The following NEGR1 variants were observed in gnomAD, a reference collection of about 807,000 sequenced individuals.
NEGR1 encodes the protein neuronal growth regulator 1, also known as IgLON family member 4.
A neutral mutation model predicts 40.9 loss-of-function variants in NEGR1; 10 were observed. The observed-to-expected ratio is 0.24, with a 90% CI of 0.15 to 0.42. The LOEUF (loss-of-function observed/expected upper bound fraction) is 0.42, where lower values mean the gene tolerates loss of function less well. Among genes scored for constraint, NEGR1 ranks in the 10% least tolerant of loss-of-function variants. The probability of loss-of-function intolerance (pLI) is 1.00; values close to 1 mark genes in which losing one functional copy is unlikely to be tolerated. For synonymous variants in NEGR1, 185 were observed against 166.8 expected, an observed-to-expected ratio of 1.11 and a Z score of -0.84; for missense variants, 352 against 438.9, an observed-to-expected ratio of 0.80 and a Z score of 1.77.
rs967794911 is a variant in NEGR1, at chr1:71,847,262, G to T, written c.410-70965C>A. On this transcript the variant is annotated intron_variant, in intron 2 of 6. Transcript: ENST00000357731. ...ATTTACTTAATGATAAATAGAAATT[G>T]CATATATTTACTGTGTACAACATAA... Among the ~76,000 whole-genome samples the T allele has an allele frequency of 4.6e-5, 7 of 152,298 alleles. No homozygotes were observed. In the East Asian group the frequency reaches 1.4e-3, roughly 29 times the overall value.
chr1:71,817,620 A>G (rs921869908), intron 2 of NEGR1, among the ~76,000 whole-genome samples: 1 of 151,634 alleles, frequency 6.6e-6, no homozygotes, highest in African/African-American at 2.4e-5. Context: ...CCTGCAGGCA[A>G]TGATGACTGA....
chr1:71,752,917 T>C (rs1163863353), intron 3 of NEGR1, among the ~76,000 whole-genome samples: 1 of 152,166 alleles, frequency 6.6e-6, no homozygotes, highest in African/African-American at 2.4e-5. Flanking sequence ...TATTCTACAA[T>C]AGTAAGCCCA....
intron 6 of NEGR1, among the ~76,000 whole-genome samples, chr1:71,469,044 C>G (rs1266876970): frequency 6.6e-6 from 1 of 152,004 alleles, no homozygotes; most frequent in Non-Finnish European, 1.5e-5. Flanking sequence ...AGAGGTTGTA[C>G]AATATGTTCA....
At chr1:72,047,997 A>T (rs575813967) in intron 1 of NEGR1, among the ~76,000 whole-genome samples, 1 of 151,700 alleles carries the variant, frequency 6.6e-6, no homozygotes, top group East Asian at 1.9e-4. Context: ...TTTATGTAAA[A>T]CAGGAGCCAG....
At chr1:71,670,469 T>C (rs761670175) in intron 4 of NEGR1, among the ~76,000 whole-genome samples, 1 of 152,208 alleles carries the variant, frequency 6.6e-6, no homozygotes, top group Non-Finnish European at 1.5e-5. Flanking sequence ...TTTGTTGTTG[T>C]TCTTGAAACC....
At chr1:71,556,729 A>G (rs188444216) in intron 6 of NEGR1, among the ~76,000 whole-genome samples, 289 of 151,690 alleles carry the variant, frequency 1.9e-3, no homozygotes, top group Admixed American at 4.4e-3. Context: ...ACACAAAGAA[A>G]GAGAGAGGGA....
At chr1:71,646,655 T>C (rs889152332) in intron 4 of NEGR1, among the ~76,000 whole-genome samples, 12 of 151,824 alleles carry the variant, frequency 7.9e-5, no homozygotes, top group Non-Finnish European at 1.5e-4. Flanking sequence ...CTCTTTATGT[T>C]TGAAAATACA....
chr1:72,203,653 T>C (rs535518305), intron 1 of NEGR1, among the ~76,000 whole-genome samples: 7 of 152,230 alleles, frequency 4.6e-5, no homozygotes, highest in South Asian at 2.1e-4. Context: ...GAAATGCTAG[T>C]GTGGGTAAAA....
chr1:71,672,340 TA>T (rs1479510986), intron 4 of NEGR1, among the ~76,000 whole-genome samples: 3 of 152,230 alleles, frequency 2.0e-5, no homozygotes, highest in Non-Finnish European at 2.9e-5. Context: ...GACATCTTTG[TA>T]ACATTTAGAA....
intron 1 of NEGR1, among the ~76,000 whole-genome samples, chr1:72,149,513 C>CTATT (rs909341186): frequency 5.9e-5 from 9 of 152,054 alleles, no homozygotes; most frequent in African/African-American, 2.2e-4. Context: ...GAGATATAGT[C>CTATT]TATTTTAACA....
At chr1:72,071,087 T>A (rs1316319298) in intron 1 of NEGR1, among the ~76,000 whole-genome samples, 1 of 151,864 alleles carries the variant, frequency 6.6e-6, no homozygotes, top group Non-Finnish European at 1.5e-5. Context: ...GATTCAATTC[T>A]CAAAGTTCTC....
At chr1:72,237,325 T>C (rs1355520438) in intron 1 of NEGR1, among the ~76,000 whole-genome samples, 1 of 152,010 alleles carries the variant, frequency 6.6e-6, no homozygotes, top group Non-Finnish European at 1.5e-5. Flanking sequence ...CAAAACTAAT[T>C]GTCTTAGTCA....
At chr1:71,432,874 C>T (rs1353255540) in intron 6 of NEGR1, among the ~76,000 whole-genome samples, 2 of 152,116 alleles carry the variant, frequency 1.3e-5, no homozygotes, top group Non-Finnish European at 2.9e-5. Flanking sequence ...CTGTGATTCT[C>T]CCCATGAACA....
intron 6 of NEGR1, chr1:71,408,896 T>C (rs1646297977): frequency 6.6e-6 from 1 of 152,022 alleles, no homozygotes; most frequent in Non-Finnish European, 1.5e-5. Flanking sequence ...ACTATATTGC[T>C]ACGTAACAAG....
At chr1:72,083,407 G>T (rs1164899460) in intron 1 of NEGR1, among the ~76,000 whole-genome samples, 1 of 151,882 alleles carries the variant, frequency 6.6e-6, no homozygotes, top group Non-Finnish European at 1.5e-5. Flanking sequence ...GAATGCAGTG[G>T]CTGTTCACAG....
chr1:72,126,273 T>G (rs984404186), intron 1 of NEGR1, among the ~76,000 whole-genome samples: 5 of 152,128 alleles, frequency 3.3e-5, no homozygotes, highest in Non-Finnish European at 7.4e-5. Flanking sequence ...AACATCTTTT[T>G]GCATTAAACT....
intron 1 of NEGR1, among the ~76,000 whole-genome samples, chr1:72,177,220 C>A (rs540670884): frequency 3.0e-4 from 46 of 152,118 alleles, no homozygotes; most frequent in African/African-American, 9.4e-4. Flanking sequence ...AGAAGGTATG[C>A]AACTTTACTC....
rs573334187 is a variant in NEGR1 at position 72,073,834 on chromosome 1, G to C, written c.177-138523C>G. Among the ~76,000 whole-genome samples, 5 of 151,672 alleles carry C rather than the reference G, an allele frequency of 3.3e-5. No homozygotes were observed. In the South Asian group the frequency reaches 1.0e-3, roughly 32 times the overall value. On this transcript the variant is annotated intron_variant, in intron 1 of 6. Coordinates refer to ENST00000357731, the MANE Select transcript of NEGR1 (RefSeq NM_173808.3). ...AAATAAAAAACAAGAAGAGACATAA[G>C]AAAGAAAAATGGAAAATAATGACAT...
At chr1:71,803,505 A>T (rs942125414) in intron 2 of NEGR1, among the ~76,000 whole-genome samples, 6 of 151,952 alleles carry the variant, frequency 3.9e-5, no homozygotes, top group African/African-American at 1.5e-4. Flanking sequence ...TTCCAATATA[A>T]TCTATTACTA....
Sources: allele counts gnomAD v4.1 joint callset (sites outside exome capture counted in the v4.1 genomes callset), GRCh38; gene constraint gnomAD v4.1.1; transcripts MANE v1.5; gene names NCBI Gene and HGNC (gene_info 2026-07-23, HGNC 2026-07-21).